Variants in PDZRN3 observed in about 807,000 individuals in gnomAD.
The protein encoded by PDZRN3 is E3 ubiquitin-protein ligase PDZRN3.
In PDZRN3, 38 loss-of-function variants were observed where a neutral mutation model predicts 85.7. The observed-to-expected ratio is 0.44, with a 90% CI of 0.34 to 0.58. The LOEUF (loss-of-function observed/expected upper bound fraction) is 0.58. PDZRN3 is among the 20% of genes least tolerant of loss of function. The pLI is 0.01. For synonymous variants in PDZRN3, 759 were observed against 638.0 expected (o/e 1.19, Z -2.86); for missense variants, 1,629 against 1,506.4 (o/e 1.08, Z -1.35).
At chr3:73,392,090 T>C (rs1377487271) in intron 5 of PDZRN3, among the ~76,000 whole-genome samples, 1 of 152,196 alleles carries the variant, frequency 6.6e-6, no homozygotes, top group African/African-American at 2.4e-5. Flanking sequence ...GCGGAGAAGC[T>C]CAAAGCAGTT....
chr3:73,564,292 C>G (rs1701898824), intron 3 of PDZRN3, among the ~76,000 whole-genome samples: 1 of 152,188 alleles, frequency 6.6e-6, no homozygotes, highest in South Asian at 2.1e-4. Context: ...CTTAGCTGTT[C>G]TCTGCCCTCC....
chr3:73,412,898 G>A (rs1486431034), intron 3 of PDZRN3, among the ~76,000 whole-genome samples: 2 of 152,162 alleles, frequency 1.3e-5, no homozygotes, highest in Non-Finnish European at 2.9e-5. Flanking sequence ...GGTGAGAGTG[G>A]GCATCACTGG....
At chr3:73,478,281 T>C (rs916721968) in intron 3 of PDZRN3, among the ~76,000 whole-genome samples, 3 of 152,018 alleles carry the variant, frequency 2.0e-5, no homozygotes, top group Admixed American at 6.6e-5. Context: ...TTACAGCTGC[T>C]CCCCATCACT....
intron 4 of PDZRN3, 34 bp from the exon 5 acceptor site, chr3:73,401,043 T>C: frequency 6.7e-7 from 1 of 1,483,992 alleles, no homozygotes; most frequent in Non-Finnish European, 9.4e-7. Flanking sequence ...ACAGCCCTTC[T>C]TCCGTTGTCA....
chr3:73,557,718 G>GA (rs1701732138), intron 3 of PDZRN3, among the ~76,000 whole-genome samples: 1 of 151,972 alleles, frequency 6.6e-6, no homozygotes, highest in Non-Finnish European at 1.5e-5. Flanking sequence ...TTAAATTTCT[G>GA]AAAAAATATT....
intron 3 of PDZRN3, among the ~76,000 whole-genome samples, chr3:73,416,462 G>A (rs553931402): frequency 6.6e-6 from 1 of 151,544 alleles, no homozygotes; most frequent in African/African-American, 2.4e-5. Flanking sequence ...TCTGTAATGG[G>A]CTCTGGATCG....
chr3:73,430,141 T>C (rs1702401949), intron 3 of PDZRN3, among the ~76,000 whole-genome samples: 1 of 152,246 alleles, frequency 6.6e-6, no homozygotes, highest in African/African-American at 2.4e-5. Flanking sequence ...TTCCTTTGTA[T>C]GTCAGTTTCT....
intron 3 of PDZRN3, among the ~76,000 whole-genome samples, chr3:73,563,013 ATTT>A (rs879510100): frequency 1.6e-4 from 7 of 43,746 alleles, no homozygotes; most frequent in South Asian, 1.1e-3. Context: ...ATATATATAT[ATTT>A]TTTTTTTTTT....
chr3:73,455,917 A>G (rs1403407154), intron 3 of PDZRN3, among the ~76,000 whole-genome samples: 2 of 152,212 alleles, frequency 1.3e-5, no homozygotes, highest in Non-Finnish European at 2.9e-5. Context: ...AATTGATGAC[A>G]TCAGCATAGT....
At chr3:73,551,671 AG>A (rs1218032721) in intron 3 of PDZRN3, among the ~76,000 whole-genome samples, 1 of 148,108 alleles carries the variant, frequency 6.8e-6, no homozygotes, top group African/African-American at 2.5e-5. Context: ...CCTGGGCAAC[AG>A]AGTGAGACCC....
rs10451961 is a variant in PDZRN3, at chr3:73,532,986, A to G, written c.918+69368T>C. ...TTCGCAAACAAATCTGCTACTGAAA[A>G]TCACAGTTTAAAAAAGGCAAACCTA... On this transcript the variant is annotated intron_variant, in intron 3 of 9. Coordinates refer to ENST00000263666, the MANE Select transcript of PDZRN3 (RefSeq NM_015009.3). 2.3e-3 allele frequency among the ~76,000 whole-genome samples: 343 copies of G among 152,314 alleles called. 1 individual carries two copies. Among genetic ancestry groups the G allele is most frequent in the African/African-American group, 7.5e-3 (312 of 41,572 alleles).
intron 3 of PDZRN3, chr3:73,569,301 C>A: frequency 1.6e-6 from 2 of 1,239,622 alleles, no homozygotes; most frequent in Non-Finnish European, 1.0e-6. Context: ...TACTGAGATT[C>A]TCTCAAAACA....
At chr3:73,450,240 G>A (rs1161200052) in intron 3 of PDZRN3, among the ~76,000 whole-genome samples, 1 of 152,146 alleles carries the variant, frequency 6.6e-6, no homozygotes, top group Non-Finnish European at 1.5e-5. Flanking sequence ...ACATTGACAT[G>A]CCACTGATCC....
chr3:73,461,420 C>G (rs1397670308), intron 3 of PDZRN3, among the ~76,000 whole-genome samples: 2 of 152,180 alleles, frequency 1.3e-5, no homozygotes, highest in African/African-American at 2.4e-5. Flanking sequence ...GGACATGTCT[C>G]CCATTTAATT....
intron 3 of PDZRN3, among the ~76,000 whole-genome samples, chr3:73,418,480 G>A (rs893784998): frequency 3.6e-4 from 55 of 152,248 alleles, no homozygotes; most frequent in African/African-American, 1.3e-3. Context: ...TAGAAACTGG[G>A]AAATTAGATA....
chr3:73,563,013 A>ATATATTT (rs1187151191), intron 3 of PDZRN3, among the ~76,000 whole-genome samples: 2 of 43,756 alleles, frequency 4.6e-5, no homozygotes, highest in African/African-American at 2.0e-4. Flanking sequence ...ATATATATAT[A>ATATATTT]TTTTTTTTTT....
intron 3 of PDZRN3, among the ~76,000 whole-genome samples, chr3:73,537,659 G>C (rs138012789): frequency 6.6e-6 from 1 of 151,772 alleles, no homozygotes; most frequent in Non-Finnish European, 1.5e-5. Flanking sequence ...TCACTCTGTC[G>C]CCCAGGCTGG....
At chr3:73,513,570 C>A (rs1250233580) in intron 3 of PDZRN3, among the ~76,000 whole-genome samples, 1 of 152,152 alleles carries the variant, frequency 6.6e-6, no homozygotes, top group Non-Finnish European at 1.5e-5. Context: ...CTAACTACAG[C>A]CACTGTTTTC....
At chr3:73,416,878 T>TTTTTTTTTTTG (rs1702097447) in intron 3 of PDZRN3, among the ~76,000 whole-genome samples, 1 of 10,850 alleles carries the variant, frequency 9.2e-5, no homozygotes, top group African/African-American at 5.2e-4. Context: ...TTTTTTTGGT[T>TTTTTTTTTTTG]TTTTTTTTTT....
Sources: gnomAD v4.1 joint callset for allele counts (sites outside exome capture counted in the v4.1 genomes callset) on GRCh38, gnomAD v4.1.1 for gene constraint, MANE v1.5 for transcripts, NCBI Gene and HGNC (gene_info 2026-07-23, HGNC 2026-07-21) for gene names.